PLIN4: variants seen among roughly 807,000 people sequenced by gnomAD.
PLIN4 encodes perilipin-4.
In PLIN4, 57 loss-of-function variants were observed where a neutral mutation model predicts 52.4. The ratio of observed to expected loss-of-function variants is 1.09; its 90% CI spans 0.88 to 1.36. PLIN4 has a LOEUF of 1.36. Ranked by LOEUF, PLIN4 falls within the 40% of genes most tolerant of loss-of-function variation. PLIN4 has a pLI of 0.00. For synonymous variants in PLIN4, 826 were observed against 785.4 expected (o/e 1.05, Z -0.86); for missense variants, 1,757 against 1,770.3 (o/e 0.99, Z 0.13).
Position 4,518,265 on chromosome 19 carries a change from G to A in PLIN4, c.8C>T (p.Ala3Val), listed in dbSNP as rs911738079. 1.5e-5 allele frequency: 18 copies of A among 1,233,004 alleles called. No homozygotes were observed. Among genetic ancestry groups the A allele is most frequent in the Non-Finnish European group, 1.6e-5 (16 of 988,736 alleles). 76.4% of individuals were successfully genotyped at this position (1,233,004 alleles called of 1,614,324 possible). ...GGGATCCCGTCTCCCTTCGTCTGGA[G>A]CAGACATAGTGAGAACGTGAGAAGC... is the stretch of plus-strand genomic sequence containing the variant. The part of the protein sequence containing the change: MS[A>V]PDEGRRDPPK... The change falls in exon 2 of 8, where the codon GCT becomes GTT. Residue 3 changes from alanine to valine, a missense_variant. By Grantham distance (64) the Ala-to-Val change is moderately conservative. This residue lies in a region of PLIN4 where 332 missense variants were observed against 310.8 expected (regional missense o/e 1.07). Coordinates refer to ENST00000301286, the MANE Select transcript of PLIN4 (RefSeq NM_001367868.2).
At chr19:4,515,619 G>A (rs1195149717) in intron 4 of PLIN4, among the ~76,000 whole-genome samples, 1 of 152,102 alleles carries the variant, frequency 6.6e-6, no homozygotes, top group Non-Finnish European at 1.5e-5. Flanking sequence ...CTGCCCCCAG[G>A]GGGCACTGGG....
chr19:4,510,804 G>C lies in PLIN4; in HGVS notation c.3156C>G (p.Phe1052Leu). The C allele has an allele frequency of 6.2e-7, 1 of 1,605,624 alleles. No homozygotes were observed. Among genetic ancestry groups the C allele is most frequent in the Non-Finnish European group, 8.5e-7 (1 of 1,174,270 alleles). The change falls in exon 5 of 8, where the codon TTC becomes TTG. Residue 1052 changes from phenylalanine to leucine, a missense_variant. By Grantham distance (22) the Phe-to-Leu change is conservative. Transcript: ENST00000301286. ...CGGGGGTACTAGGTAACCAGTTCTG[G>C]AAGGTGCTGAGGCCAGTGTGGGTGG... ...TGATHTGLST[F>L]QNWLPSTPAT...
In PLIN4 at chr19:4,502,803, A is replaced by AGTT. The variant is rs1253394855; in HGVS notation, c.*1653_*1655dup. The stretch of plus-strand genomic sequence containing the variant: ...CCAAGCAAGTCACCCCGTGCTCCGA[A>AGTT]GTTGCTCATTCCACAGTGGCGTCTC... On this transcript the variant is annotated 3_prime_UTR_variant, in exon 8 of 8. Transcript: ENST00000301286. 1.3e-5 allele frequency: 2 copies of AGTT among 152,598 alleles called. No homozygotes were observed. The highest frequency in any genetic ancestry group is 3.9e-4 in the East Asian group (2 of 5,188). 9.5% of individuals were successfully genotyped at this position (152,598 alleles called of 1,614,324 possible). A position where few individuals can be genotyped will look rare whatever the true frequency, so the allele number is the denominator to read the frequency against.
rs1156887165 is a variant in PLIN4 at position 4,508,820 on chromosome 19, C to T, written c.3650G>A (p.Gly1217Asp). Residue 1217 changes from glycine to aspartate, a missense_variant, in exon 6 of 8, where the codon GGC becomes GAC. Gly to Asp is a moderately conservative substitution (Grantham distance 94). This residue lies in a region of PLIN4 where 712 missense variants were observed against 637.1 expected (regional missense o/e 1.12). Coordinates refer to ENST00000301286, the MANE Select transcript of PLIN4 (RefSeq NM_001367868.2). ...CAGAGTGTCCCTGGCTTGGAACTGGCCGTGCTGCAGGTGGCTCACCGCGTG... is the reference window on the plus strand; with the variant it reads ...CAGAGTGTCCCTGGCTTGGAACTGGTCGTGCTGCAGGTGGCTCACCGCGTG... ...FEHAVSHLQHGQFQARDTLAQ... is the reference protein window; with the variant it reads ...FEHAVSHLQHDQFQARDTLAQ... 3.1e-6 allele frequency: 5 copies of T among 1,601,886 alleles called. No individual in the cohort carries two copies. The highest frequency in any genetic ancestry group is 1.7e-5 in the Admixed American group (1 of 58,352).
At chr19:4,505,873 G>T (rs142226857) in intron 6 of PLIN4, among the ~76,000 whole-genome samples, 1 of 151,816 alleles carries the variant, frequency 6.6e-6, no homozygotes, top group Non-Finnish European at 1.5e-5. Flanking sequence ...TCTGCAACCC[G>T]CCCGGCCTCC....
rs534069616 is a variant in PLIN4 at position 4,510,696 on chromosome 19, C to CGGGG, written c.3260_3263dup (p.Phe1089ProfsTer32). 1.6e-3 allele frequency: 2,369 copies of CGGGG among 1,523,892 alleles called. 4 individuals are homozygous for CGGGG. The highest frequency in any genetic ancestry group is 1.7e-3 in the Non-Finnish European group (1,900 of 1,139,170). 94.4% of individuals were successfully genotyped at this position (1,523,892 alleles called of 1,614,324 possible). A position where few individuals can be genotyped will look rare whatever the true frequency, so the allele number is the denominator to read the frequency against. On this transcript the variant is annotated frameshift_variant, in exon 5 of 8. Coordinates refer to ENST00000301286, the MANE Select transcript of PLIN4 (RefSeq NM_001367868.2). LOFTEE classifies it high-confidence loss of function. The stretch of plus-strand genomic sequence containing the variant: ...CCGGGGGCGTGGAGATGCCAGAGAA[C>CGGGG]GGGGCCTCTTGGGGGCTCAGGGCAG...
Position 4,510,625 on chromosome 19 carries a change from GT to G in PLIN4, c.3334del (p.Thr1112LeufsTer55). ...CACGTCAGTCGCAAGGCCCTTGGTA[GT>G]GGCTGCGGCTTCCCAGGCAGGCTCC... Reference protein sequence around the residue: ...GPEPAWEAAATTKGLATDVAT... With the variant: ...GPEPAWEAAAXTKGLATDVAT... On this transcript the variant is annotated frameshift_variant, in exon 5 of 8. Transcript: ENST00000301286. LOFTEE classifies it high-confidence loss of function. 6.6e-7 allele frequency: 1 copy of G among 1,507,916 alleles called. No individual in the cohort carries two copies. The highest frequency in any genetic ancestry group is 8.9e-7 in the Non-Finnish European group (1 of 1,129,416). 93.4% of individuals were successfully genotyped at this position (1,507,916 alleles called of 1,614,324 possible).
In PLIN4 at chr19:4,511,792, T is replaced by A. The variant is rs1568232154; in HGVS notation, c.2168A>T (p.Lys723Met). The A allele has an allele frequency of 6.2e-7, 1 of 1,603,958 alleles. No homozygotes were observed. Among genetic ancestry groups the A allele is most frequent in the Non-Finnish European group, 8.5e-7 (1 of 1,176,008 alleles). ...GTVQTSVDTT[K>M]TVLTGTKDTV... The stretch of plus-strand genomic sequence containing the variant: ...GTCCTTGGTACCAGTTAGGACAGTC[T>A]TGGTGGTGTCCACACTGGTCTGGAC... The change falls in exon 5 of 8, where the codon AAG (lysine) becomes ATG (methionine). Residue 723 changes from lysine to methionine, a missense_variant. By Grantham distance (95) the Lys-to-Met change is moderately conservative. This residue lies in a region of PLIN4 where 96 missense variants were observed against 136.5 expected (regional missense o/e 0.70). Transcript: ENST00000301286.
chr19:4,510,673 G>T lies in PLIN4; in HGVS notation c.3287C>A (p.Pro1096Gln). Residue 1096 changes from proline (P) to glutamine (Q), a missense_variant, in exon 5 of 8, where the codon CCG becomes CAG. Coordinates refer to ENST00000301286, the MANE Select transcript of PLIN4 (RefSeq NM_001367868.2). ...CTCCGGGCCTACACTGAGCACATCC[G>T]GGGGCGTGGAGATGCCAGAGAACGG... ...EAPFSGISTP[P>Q]DVLSVGPEPA... 6.6e-7 allele frequency: 1 copy of T among 1,519,322 alleles called. No individual in the cohort carries two copies. Among genetic ancestry groups the T allele is most frequent in the Non-Finnish European group, 8.8e-7 (1 of 1,137,086 alleles). The allele number at this position is 1,519,322 out of a possible 1,614,324, so 94.1% of individuals were successfully genotyped here.
At chr19:4,517,466 A>C (rs917987722) in intron 3 of PLIN4, 88 bp downstream of exon 3, 2 of 1,477,086 alleles carry the variant, frequency 1.4e-6, no homozygotes, top group African/African-American at 1.4e-5. Context: ...GGACTCCCCA[A>C]ATGGCTGGAA....
Position 4,510,452 on chromosome 19 carries a change from C to T in PLIN4, c.3508G>A (p.Glu1170Lys). 3 of 1,423,640 alleles carry T rather than the reference C, an allele frequency of 2.1e-6. No individual in the cohort carries two copies. The highest frequency in any genetic ancestry group is 2.8e-6 in the Non-Finnish European group (3 of 1,085,464). The allele number at this position is 1,423,640 out of a possible 1,614,324, so 88.2% of individuals were successfully genotyped here. Residue 1170 changes from glutamate (E) to lysine (K), a missense_variant, in exon 5 of 8, where the codon GAG becomes AAG. Glu to Lys is a moderately conservative substitution (Grantham distance 56, BLOSUM62 1). Transcript: ENST00000301286. ...GDIFHPMNAE[E>K]QAQLAASQPG... ...AACCCAGGCGTCCCCTCACCTTGCT[C>T]CTCCGCATTCATGGGGTGGAAGATG...
In PLIN4 at chr19:4,513,094, C is replaced by T; in HGVS notation, c.866G>A (p.Gly289Asp). The change falls in exon 5 of 8, where the codon GGC (glycine) becomes GAC (aspartate). Residue 289 changes from glycine (G) to aspartate (D), a missense_variant. Gly to Asp is a moderately conservative substitution (Grantham distance 94, BLOSUM62 -1). Around this residue, in one of 7 missense-constraint regions of PLIN4, gnomAD observed 99 missense variants for 143.4 expected, o/e 0.69. Transcript: ENST00000301286. Reference sequence around the variant, plus strand: ...TAGGACAGTCTTACTGGTGTCCACGCCGGTCTGGATGGTTCCTTTGGCCAC... The same window carrying T: ...TAGGACAGTCTTACTGGTGTCCACGTCGGTCTGGATGGTTCCTTTGGCCAC... The part of the protein sequence containing the change: ...MNVAKGTIQT[G>D]VDTSKTVLTG... The T allele has an allele frequency of 1.5e-6, 1 of 647,034 alleles. No homozygotes were observed. Among genetic ancestry groups the T allele is most frequent in the Non-Finnish European group, 2.8e-6 (1 of 361,066 alleles). The allele number at this position is 647,034 out of a possible 1,614,324, so 40.1% of individuals were successfully genotyped here.
Position 4,511,848 on chromosome 19 carries a change from G to A in PLIN4, c.2112C>T (p.Leu704=), listed in dbSNP as rs79731243. ...TGTKDTVTTG[L]MGAVNVAKGT... ...CTTTGGCGACATTCACTGCCCCCAT[G>A]AGCCCAGTAGTGACTGTGTCCTTGG... Residue 704 remains leucine (L), a synonymous_variant, in exon 5 of 8, where the codon CTC becomes CTT. Coordinates refer to ENST00000301286, the MANE Select transcript of PLIN4 (RefSeq NM_001367868.2). 87,407 of 1,446,526 alleles carry A rather than the reference G, an allele frequency of 0.06. 12 individuals are homozygous for A. The highest frequency in any genetic ancestry group is 0.089 in the South Asian group (6,565 of 73,608). The allele number at this position is 1,446,526 out of a possible 1,614,324, so 89.6% of individuals were successfully genotyped here. A position where few individuals can be genotyped will look rare whatever the true frequency, so the allele number is the denominator to read the frequency against.
rs563632731 is a variant in PLIN4, at chr19:4,503,539, G to T, written c.*920C>A. The T allele has an allele frequency of 6.6e-6, 1 of 152,540 alleles. No homozygotes were observed. Among genetic ancestry groups the T allele is most frequent in the South Asian group, 2.1e-4 (1 of 4,832 alleles). The allele number at this position is 152,540 out of a possible 1,614,324, so 9.4% of individuals were successfully genotyped here. On this transcript the variant is annotated 3_prime_UTR_variant, in exon 8 of 8. Coordinates refer to ENST00000301286, the MANE Select transcript of PLIN4 (RefSeq NM_001367868.2). ...GGAGGAAGGGCTGTGCCATAGGCAC[G>T]CAGCCTCTGTGGCTGTTCCCAGCCC...
At chr19:4,506,549 C>G (rs908678558) in intron 6 of PLIN4, among the ~76,000 whole-genome samples, 18 of 152,312 alleles carry the variant, frequency 1.2e-4, no homozygotes, top group African/African-American at 3.8e-4. Context: ...AAGGGCAGGC[C>G]TGGATATCCA....
intron 5 of PLIN4, among the ~76,000 whole-genome samples, chr19:4,509,751 G>A (rs1976228288): frequency 6.6e-6 from 1 of 152,022 alleles, no homozygotes; most frequent in Admixed American, 6.6e-5. Context: ...ACCAGCCTGG[G>A]CAACATAGAG....
At chr19:4,506,716 C>T (rs1358188462) in intron 6 of PLIN4, among the ~76,000 whole-genome samples, 1 of 152,250 alleles carries the variant, frequency 6.6e-6, no homozygotes, top group Non-Finnish European at 1.5e-5. Context: ...GGGCTGAGTT[C>T]TGGCCCAGGC....
In PLIN4 at chr19:4,513,627, G is replaced by A. The variant is rs1976505017; in HGVS notation, c.333C>T (p.Ala111=). ...RAKDAVSSGV[A]SVVDVAKGVV... is the part of the protein sequence containing the mutation. ...CTCCCTTAGCCACGTCCACCACGCT[G>A]GCCACCCCGGAGGACACGGCATCCT... Residue 111 remains alanine, a synonymous_variant, in exon 5 of 8, where the codon GCC becomes GCT. Transcript: ENST00000301286. 3 of 1,609,712 alleles carry A rather than the reference G, an allele frequency of 1.9e-6. No homozygotes were observed. The highest frequency in any genetic ancestry group is 2.5e-6 in the Non-Finnish European group (3 of 1,178,220).
chr19:4,512,781 C>G lies in PLIN4; in HGVS notation c.1179G>C (p.Lys393Asn), dbSNP rs1362601935. 6 of 1,564,596 alleles carry G rather than the reference C, an allele frequency of 3.8e-6. No individual in the cohort carries two copies. The highest frequency in any genetic ancestry group is 5.2e-6 in the Non-Finnish European group (6 of 1,161,466). ...TGTCTTTCGTACCCATGACCATAGA[C>G]TTGGTGGTATCCAGGCCCCCCTGGA... ...EAIQGGLDTTKSMVMGTKDTM... is the reference protein window; with the variant it reads ...EAIQGGLDTTNSMVMGTKDTM... Residue 393 changes from lysine to asparagine, a missense_variant, in exon 5 of 8, where the codon AAG becomes AAC. Lys to Asn is a moderately conservative substitution (Grantham distance 94). Transcript: ENST00000301286.
Sources: allele counts gnomAD v4.1 joint callset (sites outside exome capture counted in the v4.1 genomes callset), GRCh38; gene constraint gnomAD v4.1.1; regional missense constraint gnomAD v4.1.1; transcripts MANE v1.5; gene names NCBI Gene and HGNC (gene_info 2026-07-23, HGNC 2026-07-21).